Variants in C12orf54 observed in about 807,000 individuals in gnomAD.
The protein encoded by C12orf54 is chromosome 12 open reading frame 54.
Under a neutral mutation model 26.4 loss-of-function variants are expected in C12orf54, and 24 were observed. That is an observed-to-expected ratio of 0.91 (90% CI 0.66 to 1.28). The LOEUF is 1.28. Among genes scored for constraint, C12orf54 ranks in the 50% most tolerant of loss-of-function variants. The pLI is 0.00. For synonymous variants in C12orf54, 54 were observed against 47.0 expected (o/e 1.15, Z -0.61); for missense variants, 154 against 150.9 (o/e 1.02, Z -0.11).
At chr12:48,487,857 G>T in intron 4 of C12orf54, 2 of 519,362 alleles carry the variant, frequency 3.9e-6, no homozygotes, top group East Asian at 2.9e-5. Flanking sequence ...ACAGTCACTG[G>T]ATCCATTCAT....
the C12orf54 span, among the ~76,000 whole-genome samples, chr12:48,441,683 C>T: frequency 1.3e-5 from 2 of 152,034 alleles, no homozygotes; most frequent in Admixed American, 6.6e-5. Context: ...ATAAGCTGAG[C>T]AGACAATAAC....
the C12orf54 span, among the ~76,000 whole-genome samples, chr12:48,466,499 C>T: frequency 1.3e-5 from 2 of 151,140 alleles, no homozygotes; most frequent in East Asian, 1.9e-4. Flanking sequence ...GAGCCAAGAT[C>T]GAGCCATTGC....
intron 4 of C12orf54, 121 bp from the exon 5 acceptor site, chr12:48,488,803 C>A: frequency 1.3e-6 from 1 of 795,452 alleles, no homozygotes. Flanking sequence ...AGTCTCTTGG[C>A]ATTCACATTC....
At chr12:48,485,559 C>T (rs1954250431) in intron 2 of C12orf54, among the ~76,000 whole-genome samples, 1 of 152,174 alleles carries the variant, frequency 6.6e-6, no homozygotes, top group Admixed American at 6.6e-5. Flanking sequence ...GCCCCGATTT[C>T]ACTCACTTTC....
At chr12:48,494,093 C>A (rs1309355719) in intron 7 of C12orf54, among the ~76,000 whole-genome samples, 1 of 123,204 alleles carries the variant, frequency 8.1e-6, no homozygotes, top group African/African-American at 3.1e-5. Context: ...GTGGCAGGTG[C>A]CTGTAACCCC....
upstream of C12orf54, among the ~76,000 whole-genome samples, chr12:48,480,939 A>C (rs1954192195): frequency 6.6e-6 from 1 of 152,136 alleles, no homozygotes; most frequent in South Asian, 2.1e-4. Context: ...GATGGAGGTC[A>C]TTATCCCAGG....
At chr12:48,452,605 C>G in the C12orf54 span, among the ~76,000 whole-genome samples, 51,170 of 152,036 alleles carry the variant, frequency 0.34, 10,725 homozygotes, top group Middle Eastern at 0.49. Context: ...ATCTATGCAT[C>G]TGACAAAGGT....
chr12:48,472,609 G>T, the C12orf54 span: 2 of 1,604,326 alleles, frequency 1.2e-6, no homozygotes, highest in African/African-American at 1.3e-5. Flanking sequence ...TGTGGGTTCG[G>T]GGTTTATTGG....
chr12:48,489,461 CTG>C (rs1459478033), intron 5 of C12orf54, among the ~76,000 whole-genome samples: 1 of 152,140 alleles, frequency 6.6e-6, no homozygotes, highest in Non-Finnish European at 1.5e-5. Context: ...GGGTCTCACT[CTG>C]TGCCCAGGCT....
chr12:48,449,275 T>C, the C12orf54 span, among the ~76,000 whole-genome samples: 3 of 152,326 alleles, frequency 2.0e-5, no homozygotes, highest in South Asian at 6.2e-4. Flanking sequence ...TATCAAAAGA[T>C]GTTAATAGAG....
the C12orf54 span, among the ~76,000 whole-genome samples, chr12:48,455,504 C>T: frequency 1.3e-5 from 2 of 152,210 alleles, no homozygotes; most frequent in African/African-American, 4.8e-5. Flanking sequence ...AGAGTTGTTA[C>T]AGATCTCAGA....
chr12:48,433,468 G>T, the C12orf54 span, among the ~76,000 whole-genome samples: 3 of 139,970 alleles, frequency 2.1e-5, no homozygotes, highest in African/African-American at 5.4e-5. Flanking sequence ...GGGGGGGGGG[G>T]GCAGGATCTT....
the C12orf54 span, among the ~76,000 whole-genome samples, chr12:48,453,701 A>T: frequency 6.7e-6 from 1 of 149,864 alleles, no homozygotes; most frequent in African/African-American, 2.4e-5. Context: ...ATTTAAACCT[A>T]AGGTATCTTT....
chr12:48,481,751 A>G (rs1316569250), upstream of C12orf54, among the ~76,000 whole-genome samples: 2 of 151,984 alleles, frequency 1.3e-5, no homozygotes, highest in African/African-American at 4.8e-5. Context: ...AGGCTATGGG[A>G]CCTGAAAGGT....
chr12:48,424,007 T>G, the C12orf54 span, among the ~76,000 whole-genome samples: 1 of 152,106 alleles, frequency 6.6e-6, no homozygotes. Flanking sequence ...AAGTTAAGGG[T>G]GTTCTCATCT....
chr12:48,443,729 A>G, the C12orf54 span, among the ~76,000 whole-genome samples: 2 of 148,640 alleles, frequency 1.3e-5, no homozygotes, highest in Non-Finnish European at 3.1e-5. Context: ...CTAACCCTAA[A>G]GTGTGGTCTT....
chr12:48,417,983 G>C, the C12orf54 span, among the ~76,000 whole-genome samples: 1 of 152,044 alleles, frequency 6.6e-6, no homozygotes, highest in Non-Finnish European at 1.5e-5. Context: ...CCAATCCAGC[G>C]TTGATGGGCA....
chr12:48,486,213 G>A lies in C12orf54; in HGVS notation c.96+5G>A. 1.2e-6 allele frequency: 2 copies of A among 1,609,274 alleles called. No homozygotes were observed. Among genetic ancestry groups the A allele is most frequent in the Non-Finnish European group, 1.7e-6 (2 of 1,175,672 alleles). ...GAAGAGACAATGAGACCACAGGTGG[G>A]TAAGGTATCCAAATTCTCTGGATCC... On this transcript the variant is annotated splice_donor_5th_base_variant and intron_variant, in intron 3 of 8. Coordinates refer to ENST00000548364, the MANE Select transcript of C12orf54 (RefSeq NM_152319.4).
chr12:48,427,857 C>A, the C12orf54 span, among the ~76,000 whole-genome samples: 21 of 151,926 alleles, frequency 1.4e-4, no homozygotes, highest in Admixed American at 1.1e-3. Context: ...ATCCAAGAAC[C>A]ACAGAATACA....
Sources: allele counts gnomAD v4.1 joint callset (sites outside exome capture counted in the v4.1 genomes callset), GRCh38; gene constraint gnomAD v4.1.1; transcripts MANE v1.5; gene names NCBI Gene and HGNC (gene_info 2026-07-23, HGNC 2026-07-21).